The following FOXN1 variants were observed in gnomAD, a reference collection of about 807,000 sequenced individuals.
The protein encoded by FOXN1 is forkhead box N1, also known as forkhead box protein N1.
Under a neutral mutation model 49.0 loss-of-function variants are expected in FOXN1, and 15 were observed. The ratio of observed to expected loss-of-function variants is 0.31; its 90% CI spans 0.20 to 0.47. FOXN1 has a LOEUF of 0.47. Among genes scored for constraint, FOXN1 ranks in the 20% least tolerant of loss-of-function variants. The probability of loss-of-function intolerance (pLI) is 1.00; values close to 1 mark genes in which losing one functional copy is unlikely to be tolerated. For missense variants in FOXN1, 800 were observed against 842.8 expected, an observed-to-expected ratio of 0.95 and a Z score of 0.63; for synonymous variants, 356 against 369.0, an observed-to-expected ratio of 0.96 and a Z score of 0.40.
At chr17:28,526,105 G>T (rs2069760664) in intron 3 of FOXN1, among the ~76,000 whole-genome samples, 1 of 152,202 alleles carries the variant, frequency 6.6e-6, no homozygotes, top group South Asian at 2.1e-4. Context: ...ACCTGCAAAT[G>T]GTGAGGCTGA....
At chr17:28,514,372 G>A (rs754880284) in intron 1 of FOXN1, among the ~76,000 whole-genome samples, 6 of 152,130 alleles carry the variant, frequency 3.9e-5, no homozygotes, top group Non-Finnish European at 7.4e-5. Context: ...GCAGGGGCAC[G>A]CAACCCATTT....
In FOXN1 at chr17:28,534,551, G is replaced by A. The variant is rs1469385042; in HGVS notation, c.1135+13G>A. 11 of 1,612,044 alleles carry A rather than the reference G, an allele frequency of 6.8e-6. No individual in the cohort carries two copies. The highest frequency in any genetic ancestry group is 3.3e-5 in the South Asian group (3 of 90,948). Reference sequence around the variant, plus strand: ...ATGGCCAAGCCAGGTGAGGCCGGCCGGGCCACGCAAGGAAGGGCCCAGGGT... The same window carrying A: ...ATGGCCAAGCCAGGTGAGGCCGGCCAGGCCACGCAAGGAAGGGCCCAGGGT... On this transcript the variant is annotated intron_variant, in intron 7 of 8. Transcript: ENST00000579795. The surrounding 1 kb of genome is among the most constrained non-coding windows in gnomAD (Gnocchi z 4.1).
At position 28,529,099 on chromosome 17, in the gene FOXN1, G is replaced by T. The variant is rs776188603; in HGVS notation, c.705G>T (p.Ser235=). 2 of 1,614,048 alleles carry T rather than the reference G, an allele frequency of 1.2e-6. No homozygotes were observed. Among genetic ancestry groups the T allele is most frequent in the East Asian group, 2.2e-5 (1 of 44,868 alleles). The part of the protein sequence containing the change: ...CSSQPPFHQY[S]PGGGSYPIPY... ...GCCCCTTTTGACCTCCTCAGTACTC[G>T]CCAGGTGGTGGCAGCTACCCCATAC... The change falls in exon 5 of 9, where the codon TCG becomes TCT. Residue 235 remains serine, a synonymous_variant. Coordinates refer to ENST00000579795, the MANE Select transcript of FOXN1 (RefSeq NM_001369369.1).
rs1567887082 is a variant in FOXN1 at position 28,534,868 on chromosome 17, A to T, written c.1297A>T (p.Ile433Phe). 2.2e-5 allele frequency: 35 copies of T among 1,613,842 alleles called. No individual in the cohort carries two copies. The Middle Eastern group carries it at 4.9e-4, about 23-fold the overall frequency. The change falls in exon 8 of 9, where the codon ATT (isoleucine) becomes TTT (phenylalanine). Residue 433 changes from isoleucine (I) to phenylalanine (F), a missense_variant. Ile to Phe is a conservative substitution (Grantham distance 21). Around this residue, in one of 3 missense-constraint regions of FOXN1, gnomAD observed 344 missense variants for 366.1 expected, o/e 0.94. Coordinates refer to ENST00000579795, the MANE Select transcript of FOXN1 (RefSeq NM_001369369.1). The surrounding 1 kb of genome is among the most constrained non-coding windows in gnomAD (Gnocchi z 4.1). ...CTCACTCCACCCAGCTCCAGGCCCC[A>T]TTCCTGGCAAGAACCCCCTGCAGGA... ...LHSLHPAPGP[I>F]PGKNPLQDLL...
chr17:28,523,311 G>T (rs2069679486), intron 1 of FOXN1, among the ~76,000 whole-genome samples: 1 of 152,198 alleles, frequency 6.6e-6, no homozygotes, highest in Non-Finnish European at 1.5e-5. Flanking sequence ...CATCGTCAGG[G>T]CCCGCTGGGC....
intron 1 of FOXN1, among the ~76,000 whole-genome samples, chr17:28,521,262 G>A (rs1300384531): frequency 1.3e-5 from 2 of 152,180 alleles, no homozygotes; most frequent in African/African-American, 2.4e-5. Flanking sequence ...CTAAAACACC[G>A]TGCTACCCCA....
intron 1 of FOXN1, among the ~76,000 whole-genome samples, chr17:28,513,676 G>A (rs952839488): frequency 3.3e-5 from 5 of 152,244 alleles, no homozygotes; most frequent in Admixed American, 2.0e-4. Context: ...GCAGGGGGCC[G>A]GTCCAGGCAT....
chr17:28,526,450 G>A (rs901688925), intron 3 of FOXN1, among the ~76,000 whole-genome samples: 1 of 152,204 alleles, frequency 6.6e-6, no homozygotes, highest in Non-Finnish European at 1.5e-5. Context: ...TCCACCTTCC[G>A]GGGCCTAGCT....
intron 5 of FOXN1, among the ~76,000 whole-genome samples, chr17:28,530,306 C>T (rs2151493101): frequency 6.6e-6 from 1 of 152,268 alleles, no homozygotes; most frequent in Admixed American, 6.5e-5. Context: ...TGGTACATTG[C>T]ATAGGCTCAA....
intron 1 of FOXN1, among the ~76,000 whole-genome samples, chr17:28,507,506 CT>C (rs1157553845): frequency 8.5e-5 from 13 of 152,200 alleles, no homozygotes; most frequent in Admixed American, 2.0e-4. Context: ...TCCCCTGCCC[CT>C]ATGCCAGTCA....
chr17:28,518,935 C>T (rs1302270780), intron 1 of FOXN1, among the ~76,000 whole-genome samples: 1 of 152,158 alleles, frequency 6.6e-6, no homozygotes. Flanking sequence ...AAATGTTCAC[C>T]AGTCAGCTTT....
rs528556238 is a variant in FOXN1, at chr17:28,537,664, C to T, written c.*228C>T. Reference sequence around the variant, plus strand: ...GTGGCCCAGCTCCTCACCCAGGGCCCCCAAAGAGCAAGCGTCTGGGCAAGA... The same window carrying T: ...GTGGCCCAGCTCCTCACCCAGGGCCTCCAAAGAGCAAGCGTCTGGGCAAGA... On this transcript the variant is annotated 3_prime_UTR_variant, in exon 9 of 9. Coordinates refer to ENST00000579795, the MANE Select transcript of FOXN1 (RefSeq NM_001369369.1). 45 of 613,482 alleles carry T rather than the reference C, an allele frequency of 7.3e-5. No homozygotes were observed. In the South Asian group the frequency reaches 7.9e-4, roughly 11 times the overall value. The allele number at this position is 613,482 out of a possible 1,614,324, so 38.0% of individuals were successfully genotyped here.
At chr17:28,528,706 G>A (rs755239843) in intron 4 of FOXN1, among the ~76,000 whole-genome samples, 6 of 152,142 alleles carry the variant, frequency 3.9e-5, no homozygotes, top group Non-Finnish European at 7.3e-5. Context: ...CCCAGCAAAC[G>A]CCCAGGCTGG....
intron 4 of FOXN1, 55 bp downstream of exon 4, chr17:28,527,416 T>C: frequency 2.0e-6 from 2 of 981,056 alleles, no homozygotes; most frequent in East Asian, 2.5e-5. Context: ...ATCGTGTGTG[T>C]GTATGTGGTG....
chr17:28,508,023 G>A (rs1325550279), intron 1 of FOXN1, among the ~76,000 whole-genome samples: 2 of 143,294 alleles, frequency 1.4e-5, no homozygotes, highest in East Asian at 4.8e-4. Context: ...GCCCAGCCCC[G>A]CCCCGCCCGC....
chr17:28,537,216 C>T lies in FOXN1; in HGVS notation c.1727C>T (p.Pro576Leu), dbSNP rs756165992. ...TCATCTTCGATGCCACCACCCCAGC[C>T]ACCACCTCACTGCTTCCCCCCTGGG... ...PTSSSMPPPQ[P>L]PPHCFPPGPC... Residue 576 changes from proline (P) to leucine (L), a missense_variant, in exon 9 of 9, where the codon CCA becomes CTA. This residue lies in a region of FOXN1 where 344 missense variants were observed against 366.1 expected (regional missense o/e 0.94). Coordinates refer to ENST00000579795, the MANE Select transcript of FOXN1 (RefSeq NM_001369369.1). The T allele has an allele frequency of 1.8e-5, 29 of 1,613,798 alleles. No homozygotes were observed. In the African/African-American group the frequency reaches 3.7e-4, roughly 21 times the overall value.
chr17:28,519,649 C>A (rs902530613), intron 1 of FOXN1, among the ~76,000 whole-genome samples: 3 of 152,142 alleles, frequency 2.0e-5, no homozygotes, highest in African/African-American at 7.2e-5. Context: ...ATGAAAGATC[C>A]CTTCTGAATG....
intron 1 of FOXN1, among the ~76,000 whole-genome samples, chr17:28,518,634 G>A (rs2069579353): frequency 6.6e-6 from 1 of 152,124 alleles, no homozygotes; most frequent in Non-Finnish European, 1.5e-5. Context: ...CTGATGCCAG[G>A]GCAGATCAAG....
At chr17:28,523,792 TTC>T (rs10527420) in intron 1 of FOXN1, 162 bp from the exon 2 acceptor site, 8,027 of 648,298 alleles carry the variant, frequency 0.012, 133 homozygotes, top group African/African-American at 0.079. Context: ...CGCTCTCTGG[TTC>T]TCTCTCTCTC....
Sources: gnomAD v4.1 joint callset for allele counts (sites outside exome capture counted in the v4.1 genomes callset) on GRCh38, gnomAD v4.1.1 for gene constraint, gnomAD v4.1.1 regional missense constraint, Gnocchi (gnomAD v3.1) non-coding constraint, MANE v1.5 for transcripts, NCBI Gene and HGNC (gene_info 2026-07-23, HGNC 2026-07-21) for gene names.